Variants in CPT1A observed in about 807,000 individuals in gnomAD.
CPT1A encodes the protein carnitine O-palmitoyltransferase 1, liver isoform.
A neutral mutation model predicts 100.8 loss-of-function variants in CPT1A; 64 were observed. The observed-to-expected ratio is 0.63, with a 90% CI of 0.52 to 0.78. The LOEUF (loss-of-function observed/expected upper bound fraction) is 0.78, where lower values mean the gene tolerates loss of function less well. Ranked by LOEUF, CPT1A falls within the 30% of genes least tolerant of loss-of-function variation. CPT1A has a pLI of 0.00. For missense variants in CPT1A, 802 were observed against 1,034.1 expected (o/e 0.78, Z 3.08); for synonymous variants, 363 against 396.0 (o/e 0.92, Z 0.99).
intron 1 of CPT1A, among the ~76,000 whole-genome samples, chr11:68,822,781 G>A (rs1856620593): frequency 6.6e-6 from 1 of 152,196 alleles, no homozygotes. Context: ...GACACCTGCT[G>A]CAACATGGAT....
chr11:68,832,036 A>G (rs965805710), intron 1 of CPT1A, among the ~76,000 whole-genome samples: 1 of 152,134 alleles, frequency 6.6e-6, no homozygotes, highest in African/African-American at 2.4e-5. Flanking sequence ...TTTAATTCCC[A>G]CTAGCACCCT....
chr11:68,765,099 C>T (rs976992977), intron 14 of CPT1A, among the ~76,000 whole-genome samples: 2 of 152,228 alleles, frequency 1.3e-5, no homozygotes, highest in Non-Finnish European at 2.9e-5. Context: ...GAGCCCTTCC[C>T]GCATCTCCTC....
At chr11:68,808,277 A>G (rs528549446) in intron 3 of CPT1A, among the ~76,000 whole-genome samples, 5 of 152,370 alleles carry the variant, frequency 3.3e-5, no homozygotes, top group African/African-American at 1.2e-4. Context: ...CGGTCATGTA[A>G]ATATTCAACT....
intron 13 of CPT1A, 50 bp from the exon 14 acceptor site, chr11:68,773,479 T>A (rs373783690): frequency 1.2e-6 from 2 of 1,613,114 alleles, no homozygotes; most frequent in Non-Finnish European, 1.7e-6. Context: ...AGAAAAGTAC[T>A]GACGCACACC....
chr11:68,757,892 G>A (rs1946722522), intron 18 of CPT1A, among the ~76,000 whole-genome samples, 162 bp from the exon 19 acceptor site: 1 of 152,202 alleles, frequency 6.6e-6, no homozygotes, highest in Non-Finnish European at 1.5e-5. Context: ...ACATTCCAGA[G>A]AAATGCTGAG....
intron 14 of CPT1A, among the ~76,000 whole-genome samples, chr11:68,770,447 A>T (rs1854956882): frequency 6.6e-6 from 1 of 152,090 alleles, no homozygotes; most frequent in African/African-American, 2.4e-5. Context: ...TGCTAGAGGC[A>T]TCCTCATCTT....
At chr11:68,772,565 C>T in intron 14 of CPT1A, among the ~76,000 whole-genome samples, 1 of 151,958 alleles carries the variant, frequency 6.6e-6, no homozygotes, top group East Asian at 1.9e-4. Context: ...GATGGAAATG[C>T]CATGTGTATA....
intron 14 of CPT1A, among the ~76,000 whole-genome samples, chr11:68,764,069 CCT>C (rs1220953447): frequency 6.6e-6 from 1 of 152,186 alleles, no homozygotes; most frequent in Non-Finnish European, 1.5e-5. Flanking sequence ...GGCTGATGCC[CCT>C]GAGGCTGAGC....
chr11:68,830,459 C>A (rs755543241), intron 1 of CPT1A, among the ~76,000 whole-genome samples: 8 of 152,192 alleles, frequency 5.3e-5, no homozygotes, highest in Non-Finnish European at 8.8e-5. Context: ...TGATGGGACT[C>A]ATCACTGAGG....
intron 1 of CPT1A, among the ~76,000 whole-genome samples, chr11:68,816,057 T>C (rs1282067505): frequency 6.6e-6 from 1 of 152,104 alleles, no homozygotes; most frequent in Non-Finnish European, 1.5e-5. Context: ...AGGCCACACC[T>C]ACTGACGTAA....
At position 68,781,087 on chromosome 11, in the gene CPT1A, C is replaced by T. The variant is rs183819379; in HGVS notation, c.1353-342G>A. ...ATCCTTGGCTCCACCCTGCAGGGGGCGGGGCTGGCCAACACTTTACAGATA... is the reference window on the plus strand; with the variant it reads ...ATCCTTGGCTCCACCCTGCAGGGGGTGGGGCTGGCCAACACTTTACAGATA... On this transcript the variant is annotated intron_variant, in intron 11 of 18. Transcript: ENST00000265641. Among the ~76,000 whole-genome samples the T allele has an allele frequency of 1.8e-3, 280 of 152,284 alleles. 1 individual carries two copies. The highest frequency in any genetic ancestry group is 3.0e-3 in the Non-Finnish European group (202 of 68,020).
intron 1 of CPT1A, among the ~76,000 whole-genome samples, chr11:68,823,269 C>T (rs1000247527): frequency 5.9e-5 from 9 of 151,748 alleles, no homozygotes; most frequent in Admixed American, 3.3e-4. Flanking sequence ...CCAAACTCAC[C>T]GAAGTGTACA....
intron 1 of CPT1A, among the ~76,000 whole-genome samples, chr11:68,818,121 G>C (rs1002403410): frequency 6.6e-6 from 1 of 152,228 alleles, no homozygotes; most frequent in Non-Finnish European, 1.5e-5. Context: ...AGCTGAGGCT[G>C]TCTTCCAGGA....
chr11:68,799,336 G>A lies in CPT1A; in HGVS notation c.575C>T (p.Pro192Leu). 6.2e-7 allele frequency: 1 copy of A among 1,613,810 alleles called. No individual in the cohort carries two copies. Among genetic ancestry groups the A allele is most frequent in the Middle Eastern group, 1.6e-4 (1 of 6,062 alleles). ...TVNRYLQSVR[P>L]LMKEEDFKRM... is the part of the protein sequence containing the mutation. ...TTTGAAGTCTTCTTCCTTCATAAGA[G>A]GCCTCACCGACTGTAGATACTGGGA... The change falls in exon 6 of 19, where the codon CCT becomes CTT. Residue 192 changes from proline (P) to leucine (L), a missense_variant. Coordinates refer to ENST00000265641, the MANE Select transcript of CPT1A (RefSeq NM_001876.4).
At chr11:68,818,078 T>C (rs1856482652) in intron 1 of CPT1A, among the ~76,000 whole-genome samples, 1 of 151,988 alleles carries the variant, frequency 6.6e-6, no homozygotes, top group Non-Finnish European at 1.5e-5. Flanking sequence ...GTATGGAGTA[T>C]GGATGGGGAT....
intron 14 of CPT1A, among the ~76,000 whole-genome samples, chr11:68,769,360 C>T (rs560157873): frequency 4.1e-4 from 63 of 152,196 alleles, no homozygotes; most frequent in African/African-American, 1.2e-3. Context: ...CCTTAGCCTC[C>T]GGAGTACCTT....
intron 14 of CPT1A, among the ~76,000 whole-genome samples, chr11:68,764,290 T>C (rs2153995462): frequency 6.6e-6 from 1 of 152,326 alleles, no homozygotes; most frequent in African/African-American, 2.4e-5. Flanking sequence ...CAGCAGTTTA[T>C]GGACCCAAAT....
At position 68,758,641 on chromosome 11, in the gene CPT1A, C is replaced by T. The variant is rs1181456748; in HGVS notation, c.2236-911G>A. 6.5e-5 allele frequency among the ~76,000 whole-genome samples: 9 copies of T among 138,462 alleles called. No homozygotes were observed. In the East Asian group the frequency reaches 1.1e-3, roughly 17 times the overall value. The allele number at this position is 138,462 out of a possible 152,430, so 90.8% of individuals were successfully genotyped here. A position where few individuals can be genotyped will look rare whatever the true frequency, so the allele number is the denominator to read the frequency against. On this transcript the variant is annotated intron_variant, in intron 18 of 18. Transcript: ENST00000265641. ...CTTTTTTTTTTTTTTTTTTCTGAGA[C>T]GGAGTCTCACTCCATCACCCAGGCT...
At chr11:68,809,878 G>A (rs1442609259) in intron 3 of CPT1A, among the ~76,000 whole-genome samples, 1 of 152,220 alleles carries the variant, frequency 6.6e-6, no homozygotes, top group Non-Finnish European at 1.5e-5. Context: ...CTACACTAGA[G>A]AGTAAATTAA....
Sources: gnomAD v4.1 joint callset for allele counts (sites outside exome capture counted in the v4.1 genomes callset) on GRCh38, gnomAD v4.1.1 for gene constraint, MANE v1.5 for transcripts, NCBI Gene and HGNC (gene_info 2026-07-23, HGNC 2026-07-21) for gene names.